Variants in MYO9B observed in about 807,000 individuals in gnomAD.
MYO9B encodes the protein myosin IXB.
A neutral mutation model predicts 229.5 loss-of-function variants in MYO9B; 71 were observed. The observed-to-expected ratio is 0.31, with a 90% CI of 0.26 to 0.38. MYO9B has a LOEUF of 0.38. Ranked by LOEUF, MYO9B falls within the 10% of genes least tolerant of loss-of-function variation. MYO9B has a pLI of 1.00. For synonymous variants in MYO9B, 1,185 were observed against 1,235.8 expected (o/e 0.96, Z 0.86); for missense variants, 2,255 against 2,920.5 (o/e 0.77, Z 5.25).
rs28485222 is a variant in MYO9B at position 17,173,585 on chromosome 19, T to G, written c.2140+622T>G. ...TCATGAAATGCTGGGATTGCAGGTG[T>G]GAGTCACCATGCCCAGCCCCAGCCT... On this transcript the variant is annotated intron_variant, in intron 13 of 39. Coordinates refer to ENST00000682292, the MANE Select transcript of MYO9B (RefSeq NM_004145.4). Among the ~76,000 whole-genome samples the G allele has an allele frequency of 3.8e-3, 577 of 152,238 alleles. 5 individuals carry two copies. The highest frequency in any genetic ancestry group is 0.013 in the African/African-American group (558 of 41,516).
intron 2 of MYO9B, among the ~76,000 whole-genome samples, chr19:17,110,753 C>T (rs2057839995): frequency 6.6e-6 from 1 of 152,128 alleles, no homozygotes; most frequent in Non-Finnish European, 1.5e-5. Flanking sequence ...GGCTGCAGGG[C>T]GCAGAGGGAC....
At chr19:17,161,987 CAAAAA>C (rs71180369) in intron 8 of MYO9B, among the ~76,000 whole-genome samples, 5 of 110,238 alleles carry the variant, frequency 4.5e-5, no homozygotes, top group South Asian at 3.2e-4. Context: ...GACCCTGTGT[CAAAAA>C]AAAAAAAAAA....
In MYO9B at chr19:17,117,955, A is replaced by AG. The variant is rs2057922651; in HGVS notation, c.840+15398_840+15399insG. ...TCTTCCTCAAAAAAAAAAAAAAAAA[A>AG]AAGAAAAGACATATACAGGATTCTA... On this transcript the variant is annotated intron_variant, in intron 2 of 39. Coordinates refer to ENST00000682292, the MANE Select transcript of MYO9B (RefSeq NM_004145.4). 2.0e-5 allele frequency among the ~76,000 whole-genome samples: 3 copies of AG among 151,430 alleles called. 1 individual carries two copies. The highest frequency in any genetic ancestry group is 2.1e-4 in the South Asian group (1 of 4,778).
chr19:17,167,773 C>T (rs914809298), intron 10 of MYO9B, 170 bp from the exon 11 acceptor site: 3 of 853,392 alleles, frequency 3.5e-6, no homozygotes, highest in Admixed American at 5.6e-5. Flanking sequence ...GCCACTGTGC[C>T]CAGCCCTATT....
At chr19:17,147,755 G>A (rs574489723) in intron 3 of MYO9B, among the ~76,000 whole-genome samples, 12 of 128,912 alleles carry the variant, frequency 9.3e-5, no homozygotes, top group South Asian at 7.8e-4. Context: ...GCGTGATCTC[G>A]GCTCACCGCA....
chr19:17,180,801 C>G, intron 14 of MYO9B, 126 bp from the exon 15 acceptor site: 2 of 610,318 alleles, frequency 3.3e-6, no homozygotes, highest in Non-Finnish European at 5.8e-6. Context: ...GTCTTTCCCC[C>G]AGCTGCATGT....
In MYO9B at chr19:17,172,874, G is replaced by A. The variant is rs1256773188; in HGVS notation, c.2051G>A (p.Arg684His). ...LIGMDPVAVF[R>H]WAVLRAAIRA... ...GGCATGGACCCCGTGGCCGTGTTCCGCTGGGCCGTGCTCCGGGCTGCTATC... is the reference window on the plus strand; with the variant it reads ...GGCATGGACCCCGTGGCCGTGTTCCACTGGGCCGTGCTCCGGGCTGCTATC... Residue 684 changes from arginine to histidine, a missense_variant, in exon 13 of 40, where the codon CGC (arginine) becomes CAC (histidine). Arg to His is a conservative substitution (Grantham distance 29). This residue lies in a region of MYO9B where 220 missense variants were observed against 404.5 expected (regional missense o/e 0.54). Coordinates refer to ENST00000682292, the MANE Select transcript of MYO9B (RefSeq NM_004145.4). The surrounding 1 kb of genome is among the most constrained non-coding windows in gnomAD (Gnocchi z 8.2). 5.0e-6 allele frequency: 8 copies of A among 1,606,064 alleles called. No homozygotes were observed. The highest frequency in any genetic ancestry group is 1.7e-5 in the Admixed American group (1 of 59,988).
Position 17,144,448 on chromosome 19 carries a change from T to C in MYO9B, c.841-949T>C, listed in dbSNP as rs185233439. On this transcript the variant is annotated intron_variant, in intron 2 of 39. Coordinates refer to ENST00000682292, the MANE Select transcript of MYO9B (RefSeq NM_004145.4). ...GGCAAAACCCCATCTCTACAAAAAA[T>C]TAGCCAGGCGTGGTGGTGCATGCCT... 1.4e-4 allele frequency among the ~76,000 whole-genome samples: 19 copies of C among 131,578 alleles called. No individual in the cohort carries two copies. In the East Asian group the frequency reaches 4.1e-3, roughly 29 times the overall value. The allele number at this position is 131,578 out of a possible 152,430, so 86.3% of individuals were successfully genotyped here.
At chr19:17,159,283 G>T in intron 7 of MYO9B, 112 bp from the exon 8 acceptor site, 1 of 912,034 alleles carries the variant, frequency 1.1e-6, no homozygotes, top group Non-Finnish European at 1.7e-6. Context: ...GGCTGCTGGG[G>T]GTCCGTCTCC....
At chr19:17,165,954 T>G (rs1163777438) in intron 10 of MYO9B, among the ~76,000 whole-genome samples, 1 of 152,206 alleles carries the variant, frequency 6.6e-6, no homozygotes, top group African/African-American at 2.4e-5. Flanking sequence ...ACATCACGAC[T>G]GTTAGTTGCA....
chr19:17,096,696 GTT>G (rs1352307198), intron 1 of MYO9B, among the ~76,000 whole-genome samples: 36,011 of 106,724 alleles, frequency 0.34, 7,276 homozygotes, highest in African/African-American at 0.5. Context: ...TGTTGTTGTT[GTT>G]GTTGTTGGTT....
At chr19:17,198,091 G>A (rs1206449823) in intron 23 of MYO9B, 93 bp from the exon 24 acceptor site, 34 of 1,528,682 alleles carry the variant, frequency 2.2e-5, no homozygotes, top group East Asian at 4.6e-5. Flanking sequence ...AAGTGAGGTC[G>A]GTGGATGGAG....
intron 2 of MYO9B, among the ~76,000 whole-genome samples, chr19:17,135,426 C>T (rs936839011): frequency 3.3e-5 from 5 of 152,018 alleles, no homozygotes; most frequent in African/African-American, 9.7e-5. Flanking sequence ...CCACTTCCTC[C>T]CTTCTGTCCA....
chr19:17,146,242 C>A (rs554028317), intron 3 of MYO9B, among the ~76,000 whole-genome samples: 1 of 143,724 alleles, frequency 7.0e-6, no homozygotes, highest in African/African-American at 2.6e-5. Flanking sequence ...GGAGTAGATT[C>A]ATGGGTGGAT....
chr19:17,097,459 C>T (rs1198113945), intron 1 of MYO9B, among the ~76,000 whole-genome samples: 3 of 152,112 alleles, frequency 2.0e-5, no homozygotes, highest in African/African-American at 7.2e-5. Flanking sequence ...TACAAATGCA[C>T]TGACATATCA....
intron 38 of MYO9B, 137 bp downstream of exon 38, chr19:17,210,985 T>C: frequency 6.0e-4 from 561 of 936,492 alleles, no homozygotes; most frequent in Middle Eastern, 1.4e-3. Context: ...CACTTTTTTT[T>C]TTTTTTTTTT....
At chr19:17,162,306 G>C (rs980283133) in intron 8 of MYO9B, 44 bp from the exon 9 acceptor site, 1 of 1,489,192 alleles carries the variant, frequency 6.7e-7, no homozygotes, top group Non-Finnish European at 9.1e-7. Flanking sequence ...CTCCAGCGCA[G>C]GGCCTGCCGT....
At chr19:17,102,784 G>A (rs2057757936) in intron 2 of MYO9B, among the ~76,000 whole-genome samples, 1 of 151,226 alleles carries the variant, frequency 6.6e-6, no homozygotes, top group South Asian at 2.1e-4. Flanking sequence ...GTGCTCACCT[G>A]TAGTCCCAGC....
At chr19:17,099,210 G>A (rs2057720797) in intron 1 of MYO9B, 1 of 151,822 alleles carries the variant, frequency 6.6e-6, no homozygotes. Context: ...GGGAGGCAGA[G>A]GTTGCAGTGA....
Sources: allele counts gnomAD v4.1 joint callset (sites outside exome capture counted in the v4.1 genomes callset), GRCh38; gene constraint gnomAD v4.1.1; regional missense constraint gnomAD v4.1.1; non-coding constraint Gnocchi (gnomAD v3.1); transcripts MANE v1.5; gene names NCBI Gene and HGNC (gene_info 2026-07-23, HGNC 2026-07-21).